Variants in RIPOR3 observed in about 807,000 individuals in gnomAD.
RIPOR3 encodes the protein family with sequence similarity 65 member C.
Under a neutral mutation model 114.3 loss-of-function variants are expected in RIPOR3, and 95 were observed. The ratio of observed to expected loss-of-function variants is 0.83; its 90% CI spans 0.70 to 0.99. The LOEUF (loss-of-function observed/expected upper bound fraction) is 0.99. RIPOR3 is among the 50% of genes least tolerant of loss of function. The pLI, the probability that RIPOR3 is intolerant of heterozygous loss-of-function variation, is 0.00. For synonymous variants in RIPOR3, 575 were observed against 543.8 expected, an observed-to-expected ratio of 1.06 and a Z score of -0.80; for missense variants, 1,252 against 1,266.9, an observed-to-expected ratio of 0.99 and a Z score of 0.18.
intron 1 of RIPOR3, among the ~76,000 whole-genome samples, chr20:50,655,317 A>C (rs750069584): frequency 7.9e-5 from 12 of 152,218 alleles, no homozygotes; most frequent in Non-Finnish European, 1.2e-4. Context: ...TGGGGAGCTG[A>C]GACGGGGTGG....
At chr20:50,645,639 C>T (rs908286220) in intron 1 of RIPOR3, 2 of 152,936 alleles carry the variant, frequency 1.3e-5, no homozygotes, top group East Asian at 3.8e-4. Context: ...TGCTGTCCAT[C>T]CCTGCCACAC....
chr20:50,684,910 G>A (rs1214710783), intron 1 of RIPOR3, among the ~76,000 whole-genome samples: 2 of 152,108 alleles, frequency 1.3e-5, no homozygotes, highest in Non-Finnish European at 1.5e-5. Context: ...CGAGTACCTG[G>A]GACCACAGGT....
intron 1 of RIPOR3, among the ~76,000 whole-genome samples, chr20:50,648,571 G>A (rs1368657320): frequency 1.3e-5 from 2 of 151,984 alleles, no homozygotes; most frequent in Non-Finnish European, 2.9e-5. Context: ...CATTCATTGT[G>A]CACTTTATTT....
At chr20:50,663,671 T>A (rs1036619616) in intron 1 of RIPOR3, among the ~76,000 whole-genome samples, 1 of 152,078 alleles carries the variant, frequency 6.6e-6, no homozygotes, top group African/African-American at 2.4e-5. Context: ...CTGCCACCTA[T>A]TTTCTCCCCT....
chr20:50,683,891 G>C (rs2086935466), intron 1 of RIPOR3, among the ~76,000 whole-genome samples: 1 of 151,998 alleles, frequency 6.6e-6, no homozygotes, highest in Admixed American at 6.6e-5. Flanking sequence ...GACCAACGTG[G>C]CCAACATAGC....
intron 1 of RIPOR3, among the ~76,000 whole-genome samples, chr20:50,671,410 GCGCGTGCACGCGCGCGCGCACACA>G (rs2086480781): frequency 1.1e-5 from 1 of 94,458 alleles, no homozygotes; most frequent in Non-Finnish European, 2.1e-5. Flanking sequence ...ATGAGCACGC[GCGCGTGCACGCGCGCGCGCACACA>G]CACACACACA....
intron 1 of RIPOR3, among the ~76,000 whole-genome samples, chr20:50,672,823 A>G (rs899781773): frequency 6.6e-6 from 1 of 152,184 alleles, no homozygotes; most frequent in African/African-American, 2.4e-5. Flanking sequence ...AGAGGCGCAC[A>G]CCTGTCCTCC....
intron 1 of RIPOR3, among the ~76,000 whole-genome samples, chr20:50,638,458 T>C (rs1020994054): frequency 6.6e-6 from 1 of 152,228 alleles, no homozygotes; most frequent in Admixed American, 6.5e-5. Context: ...ACTCATGAAT[T>C]TCTTTGAATT....
At chr20:50,623,842 C>A (rs6091187) in intron 2 of RIPOR3, among the ~76,000 whole-genome samples, 72,552 of 151,714 alleles carry the variant, frequency 0.48, 19,873 homozygotes, top group African/African-American at 0.76. Flanking sequence ...AGGTATTATT[C>A]TTATTATTAT....
chr20:50,595,091 G>GTGCCCTCCTCCT (rs1222826368), intron 16 of RIPOR3: 6 of 514,270 alleles, frequency 1.2e-5, no homozygotes, highest in African/African-American at 1.1e-4. Flanking sequence ...ACCCCGTGCA[G>GTGCCCTCCTCCT]TGCCCTCCTC....
chr20:50,590,362 C>T (rs948660016), intron 19 of RIPOR3, among the ~76,000 whole-genome samples: 1 of 152,200 alleles, frequency 6.6e-6, no homozygotes, highest in African/African-American at 2.4e-5. Flanking sequence ...ATGCCCGGCC[C>T]GCAGTGGAGT....
chr20:50,618,513 T>C (rs938007186), intron 3 of RIPOR3, among the ~76,000 whole-genome samples: 1 of 151,954 alleles, frequency 6.6e-6, no homozygotes, highest in East Asian at 1.9e-4. Context: ...AATGTTCTTT[T>C]CCCCTTCAGG....
chr20:50,689,276 A>G (rs2087130342), intron 1 of RIPOR3, among the ~76,000 whole-genome samples: 2 of 150,630 alleles, frequency 1.3e-5, no homozygotes, highest in Admixed American at 1.3e-4. Context: ...CCCCAGTTCA[A>G]GTGATTCTCC....
chr20:50,601,708 G>A (rs781013994), intron 13 of RIPOR3, among the ~76,000 whole-genome samples: 9 of 152,106 alleles, frequency 5.9e-5, no homozygotes, highest in Non-Finnish European at 1.0e-4. Flanking sequence ...GGCAAACAGG[G>A]AACTGTGTGG....
chr20:50,680,997 G>C (rs1477976338), intron 1 of RIPOR3, among the ~76,000 whole-genome samples: 1 of 152,156 alleles, frequency 6.6e-6, no homozygotes, highest in African/African-American at 2.4e-5. Context: ...GCTAAGGCGG[G>C]TGAATCTATT....
chr20:50,681,280 A>AAAAAAAAAAAC lies in RIPOR3; in HGVS notation c.3+9845_3+9846insGTTTTTTTTTT, dbSNP rs1171569745. Among the ~76,000 whole-genome samples, 130 of 151,368 alleles carry AAAAAAAAAAAC rather than the reference A, an allele frequency of 8.6e-4. 1 individual carries two copies. Among genetic ancestry groups the AAAAAAAAAAAC allele is most frequent in the African/African-American group, 3.0e-3 (124 of 41,328 alleles). ...AAAGAAACAATAAGGCACTAGAAAA[A>AAAAAAAAAAAC]AAAAAACATATAATGAGGCTTCTGG... On this transcript the variant is annotated intron_variant, in intron 1 of 21. Coordinates refer to ENST00000327979, the MANE Select transcript of RIPOR3 (RefSeq NM_001290268.2).
chr20:50,644,437 A>G (rs2085319258), intron 1 of RIPOR3, among the ~76,000 whole-genome samples: 1 of 152,196 alleles, frequency 6.6e-6, no homozygotes, highest in Non-Finnish European at 1.5e-5. Flanking sequence ...TTTGTTTAAT[A>G]TAAACATGAA....
intron 1 of RIPOR3, among the ~76,000 whole-genome samples, chr20:50,643,433 G>A (rs2085277344): frequency 6.6e-6 from 1 of 150,424 alleles, no homozygotes; most frequent in African/African-American, 2.4e-5. Flanking sequence ...CACCATGTCT[G>A]GCCAAATCCC....
chr20:50,691,093 G>T, intron 1 of RIPOR3, 33 bp downstream of exon 1: 1 of 1,289,436 alleles, frequency 7.8e-7, no homozygotes, highest in Non-Finnish European at 1.0e-6. Flanking sequence ...GCGGCGTCAC[G>T]GCACACATGG....
Sources: gnomAD v4.1 joint callset for allele counts (sites outside exome capture counted in the v4.1 genomes callset) on GRCh38, gnomAD v4.1.1 for gene constraint, MANE v1.5 for transcripts, NCBI Gene and HGNC (gene_info 2026-07-23, HGNC 2026-07-21) for gene names.